Variants in SLCO5A1 observed in about 807,000 individuals in gnomAD.
SLCO5A1 encodes the protein solute carrier organic anion transporter family member 5A1.
Under a neutral mutation model 65.1 loss-of-function variants are expected in SLCO5A1, and 39 were observed. The observed-to-expected ratio is 0.60, with a 90% CI of 0.46 to 0.78. The LOEUF (loss-of-function observed/expected upper bound fraction) is 0.78, where lower values mean the gene tolerates loss of function less well. Among genes scored for constraint, SLCO5A1 ranks in the 30% least tolerant of loss-of-function variants. The pLI, the probability that SLCO5A1 is intolerant of heterozygous loss-of-function variation, is 0.00. For missense variants in SLCO5A1, 1,029 were observed against 1,069.4 expected (o/e 0.96, Z 0.53); for synonymous variants, 438 against 415.7 (o/e 1.05, Z -0.65).
At chr8:69,745,432 T>G (rs552398379) in intron 4 of SLCO5A1, among the ~76,000 whole-genome samples, 24 of 152,250 alleles carry the variant, frequency 1.6e-4, no homozygotes, top group African/African-American at 5.8e-4. Context: ...AAATTTAAAC[T>G]GGGGGTGGGA....
intron 2 of SLCO5A1, among the ~76,000 whole-genome samples, chr8:69,763,119 G>A (rs1817873348): frequency 6.6e-6 from 1 of 152,168 alleles, no homozygotes; most frequent in South Asian, 2.1e-4. Context: ...AGAGCAGCCT[G>A]GCCAACATGG....
At chr8:69,751,039 A>G (rs1457664852) in intron 4 of SLCO5A1, among the ~76,000 whole-genome samples, 1 of 152,204 alleles carries the variant, frequency 6.6e-6, no homozygotes, top group Non-Finnish European at 1.5e-5. Flanking sequence ...TTTTAAATAT[A>G]TTGCACTCTA....
At chr8:69,757,514 A>G (rs1003085956) in intron 3 of SLCO5A1, among the ~76,000 whole-genome samples, 1 of 152,008 alleles carries the variant, frequency 6.6e-6, no homozygotes, top group Admixed American at 6.6e-5. Flanking sequence ...CCCCATCTCA[A>G]CTAAAAATAC....
intron 2 of SLCO5A1, among the ~76,000 whole-genome samples, chr8:69,825,533 C>A (rs1034907083): frequency 6.6e-6 from 1 of 152,122 alleles, no homozygotes; most frequent in African/African-American, 2.4e-5. Flanking sequence ...TACACAATTG[C>A]TTCAAAGAGA....
At position 69,755,545 on chromosome 8, in the gene SLCO5A1, C is replaced by A; in HGVS notation, c.1137G>T (p.Lys379Asn). 1 of 1,613,940 alleles carries A rather than the reference C, an allele frequency of 6.2e-7. No homozygotes were observed. The highest frequency in any genetic ancestry group is 2.2e-5 in the East Asian group (1 of 44,864). The change falls in exon 4 of 10, where the codon AAG (lysine) becomes AAT (asparagine). Residue 379 changes from lysine (K) to asparagine (N), a missense_variant. Physicochemically the swap from Lys to Asn is moderately conservative, Grantham distance 94. Transcript: ENST00000260126. ...CATCAACAGAAAATTTTTTCTTTTT[C>A]TTTTTCTTGTGTCGAGGTGGAAGCT... ...PKKLPPRHKK[K>N]KKKKFSVDAV...
chr8:69,822,599 C>T (rs1360369049), intron 2 of SLCO5A1, among the ~76,000 whole-genome samples: 1 of 152,176 alleles, frequency 6.6e-6, no homozygotes, highest in East Asian at 1.9e-4. Context: ...AGCAAACTAT[C>T]TCTCACTCCC....
intron 2 of SLCO5A1, among the ~76,000 whole-genome samples, chr8:69,795,637 G>T (rs188248200): frequency 6.6e-6 from 1 of 152,186 alleles, no homozygotes; most frequent in Non-Finnish European, 1.5e-5. Context: ...CCAGGCTAAG[G>T]GTGCAAGATG....
At chr8:69,771,526 G>A (rs1000038390) in intron 2 of SLCO5A1, among the ~76,000 whole-genome samples, 2 of 152,022 alleles carry the variant, frequency 1.3e-5, no homozygotes, top group African/African-American at 4.8e-5. Flanking sequence ...TTTTAGTGTT[G>A]AATGCTTTTT....
rs3060023 is a variant in SLCO5A1, at chr8:69,686,231, C to CAAAAA, written c.1623-3893_1623-3889dup. 9.9e-4 allele frequency among the ~76,000 whole-genome samples: 140 copies of CAAAAA among 141,738 alleles called. 1 individual carries two copies. The highest frequency in any genetic ancestry group is 3.2e-3 in the African/African-American group (115 of 36,116). 93.0% of individuals were successfully genotyped at this position (141,738 alleles called of 152,430 possible). ...GACTAAAAGAACATGCTTCACACAG[C>CAAAAA]AAAAAAAAGAGAGAGAAGACCTCTT... On this transcript the variant is annotated intron_variant, in intron 6 of 9. Coordinates refer to ENST00000260126, the MANE Select transcript of SLCO5A1 (RefSeq NM_030958.3).
intron 2 of SLCO5A1, among the ~76,000 whole-genome samples, chr8:69,818,097 C>T (rs991875589): frequency 4.6e-5 from 7 of 152,210 alleles, no homozygotes; most frequent in Non-Finnish European, 8.8e-5. Context: ...ATTTCTCTCA[C>T]TGAACTTATT....
At position 69,724,799 on chromosome 8, in the gene SLCO5A1, A is replaced by C. The variant is rs144052978; in HGVS notation, c.1423+13241T>G. Among the ~76,000 whole-genome samples, 597 of 152,334 alleles carry C rather than the reference A, an allele frequency of 3.9e-3. 3 individuals are homozygous for C. The highest frequency in any genetic ancestry group is 6.5e-3 in the Non-Finnish European group (443 of 68,036). Reference sequence around the variant, plus strand: ...AGTAAACAGAAAGCATCTCTGGGGAAATAAGAGGCCGCAGCAGGAGCTGGG... The same window carrying C: ...AGTAAACAGAAAGCATCTCTGGGGACATAAGAGGCCGCAGCAGGAGCTGGG... On this transcript the variant is annotated intron_variant, in intron 5 of 9. Transcript: ENST00000260126.
intron 5 of SLCO5A1, among the ~76,000 whole-genome samples, chr8:69,724,313 TA>T (rs1231412231): frequency 6.6e-6 from 1 of 152,208 alleles, no homozygotes; most frequent in Non-Finnish European, 1.5e-5. Context: ...CTACTCTATA[TA>T]AAATTAGCAT....
chr8:69,705,346 A>C, intron 5 of SLCO5A1, 117 bp from the exon 6 acceptor site: 2 of 770,472 alleles, frequency 2.6e-6, no homozygotes, highest in Non-Finnish European at 4.2e-6. Flanking sequence ...ACTATAATCA[A>C]TACATCTTCA....
At chr8:69,819,881 T>G (rs1245346674) in intron 2 of SLCO5A1, among the ~76,000 whole-genome samples, 2 of 152,166 alleles carry the variant, frequency 1.3e-5, no homozygotes, top group Admixed American at 6.5e-5. Context: ...GAGAATCGCT[T>G]GAACCCGGGA....
intron 5 of SLCO5A1, among the ~76,000 whole-genome samples, chr8:69,726,998 G>A (rs1400079938): frequency 6.6e-6 from 1 of 152,128 alleles, no homozygotes. Context: ...TCCAGGCACT[G>A]TGTGAAGCCC....
intron 1 of SLCO5A1, 119 bp downstream of exon 1, chr8:69,834,735 T>TACACACACACACACACACACACACAC (rs57972006): frequency 1.4e-5 from 2 of 139,134 alleles, no homozygotes. Context: ...ACGCACATCC[T>TACACACACACACACACACACACACAC]ACACACACAC....
At chr8:69,762,174 CTTTCTTTCTTTCTTTCTTTCTTTCTTT>C (rs1817818189) in intron 2 of SLCO5A1, among the ~76,000 whole-genome samples, 5 of 67,198 alleles carry the variant, frequency 7.4e-5, no homozygotes, top group African/African-American at 2.3e-4. Flanking sequence ...TTCTTTCTTT[CTTTCTTTCTTTCTTTCTTTCTTTCTTT>C]TTTGAGACAG....
chr8:69,674,588 A>G (rs1293816898), intron 9 of SLCO5A1, among the ~76,000 whole-genome samples: 2 of 152,224 alleles, frequency 1.3e-5, no homozygotes, highest in Non-Finnish European at 2.9e-5. Flanking sequence ...GTTGAATTAA[A>G]TAATAAATGT....
At chr8:69,775,075 A>T (rs968538668) in intron 2 of SLCO5A1, among the ~76,000 whole-genome samples, 3 of 152,188 alleles carry the variant, frequency 2.0e-5, no homozygotes, top group Admixed American at 2.0e-4. Context: ...CAGCAAAAGA[A>T]CAGCTGCCAC....
Sources: allele counts gnomAD v4.1 joint callset (sites outside exome capture counted in the v4.1 genomes callset), GRCh38; gene constraint gnomAD v4.1.1; transcripts MANE v1.5; gene names NCBI Gene and HGNC (gene_info 2026-07-23, HGNC 2026-07-21).